ST7: variants seen among roughly 807,000 people sequenced by gnomAD.
The protein encoded by ST7 is suppression of tumorigenicity 7, also known as suppressor of tumorigenicity 7 protein.
In ST7, 28 loss-of-function variants were observed where a neutral mutation model predicts 78.7. The ratio of observed to expected loss-of-function variants is 0.36; its 90% CI spans 0.26 to 0.49. The LOEUF is 0.49. Among genes scored for constraint, ST7 ranks in the 20% least tolerant of loss-of-function variants. The pLI is 0.99. For synonymous variants in ST7, 247 were observed against 249.6 expected (o/e 0.99, Z 0.10); for missense variants, 418 against 696.0 (o/e 0.60, Z 4.49).
intron 1 of ST7, chr7:116,967,290 C>G (rs1408237593): frequency 2.1e-6 from 1 of 470,996 alleles, no homozygotes; most frequent in Non-Finnish European, 4.4e-6. Context: ...GGCTCACATA[C>G]CCGCAGTGGT....
chr7:117,214,608 A>G (rs1325820611), intron 13 of ST7, among the ~76,000 whole-genome samples: 1 of 152,134 alleles, frequency 6.6e-6, no homozygotes, highest in Non-Finnish European at 1.5e-5. Context: ...AAGCAATGAT[A>G]GGCTAAAGTC....
intron 1 of ST7, among the ~76,000 whole-genome samples, chr7:116,958,162 ATTTTTTT>A (rs34132237): frequency 7.3e-4 from 70 of 95,632 alleles, no homozygotes; most frequent in Non-Finnish European, 9.5e-4. Context: ...TGCGTGGCTA[ATTTTTTT>A]TTTTTTTTTT....
intron 10 of ST7, among the ~76,000 whole-genome samples, chr7:117,186,779 G>T (rs1809299280): frequency 6.6e-6 from 1 of 152,098 alleles, no homozygotes; most frequent in Non-Finnish European, 1.5e-5. Context: ...TTTAATGACT[G>T]CATGGAATTG....
At chr7:116,988,616 G>A (rs865811206) in intron 1 of ST7, among the ~76,000 whole-genome samples, 2 of 152,094 alleles carry the variant, frequency 1.3e-5, no homozygotes, top group Middle Eastern at 3.4e-3. Flanking sequence ...TTCATTTCTC[G>A]ATTTTTGAAA....
intron 1 of ST7, among the ~76,000 whole-genome samples, chr7:117,047,348 G>A (rs1444851881): frequency 2.6e-5 from 4 of 152,172 alleles, no homozygotes; most frequent in Non-Finnish European, 5.9e-5. Flanking sequence ...TCTTCAGAAC[G>A]ACTTAATTAC....
Position 117,223,173 on chromosome 7 carries a change from T to G in ST7, c.1638+1111T>G. The G allele has an allele frequency of 5.1e-6, 3 of 589,632 alleles. No individual in the cohort carries two copies. The South Asian group carries it at 6.0e-5, about 12-fold the overall frequency. 36.5% of individuals were successfully genotyped at this position (589,632 alleles called of 1,614,324 possible). A position where few individuals can be genotyped will look rare whatever the true frequency, so the allele number is the denominator to read the frequency against. ...ACCTCCTAAGCAACTAGGCCTTCAG[T>G]AAATGTGATTCACCTCTTCTTTCCC... On this transcript the variant is annotated intron_variant, in intron 15 of 15. Coordinates refer to ENST00000323984, the MANE Select transcript of ST7 (RefSeq NM_001369598.1).
intron 1 of ST7, among the ~76,000 whole-genome samples, chr7:117,027,200 T>A (rs1427167891): frequency 1.3e-5 from 2 of 152,204 alleles, no homozygotes; most frequent in Non-Finnish European, 2.9e-5. Flanking sequence ...TCCCAGCACT[T>A]TGGGAGGCCA....
intron 1 of ST7, among the ~76,000 whole-genome samples, chr7:117,039,155 G>A (rs1035675775): frequency 2.6e-5 from 4 of 151,886 alleles, no homozygotes; most frequent in African/African-American, 2.4e-5. Context: ...ATCTTTGCAC[G>A]TAACCATGCT....
chr7:117,054,321 T>C (rs1797949440), intron 1 of ST7, among the ~76,000 whole-genome samples: 1 of 152,178 alleles, frequency 6.6e-6, no homozygotes, highest in African/African-American at 2.4e-5. Context: ...GTCTCTCTAC[T>C]GGCCTCCATT....
At chr7:117,103,852 A>G (rs1801751483) in intron 2 of ST7, among the ~76,000 whole-genome samples, 1 of 152,204 alleles carries the variant, frequency 6.6e-6, no homozygotes, top group Non-Finnish European at 1.5e-5. Flanking sequence ...CATCTAAGAG[A>G]TTAATAACCA....
intron 15 of ST7, among the ~76,000 whole-genome samples, chr7:117,227,903 G>A (rs1793548708): frequency 6.6e-6 from 1 of 152,172 alleles, no homozygotes; most frequent in Admixed American, 6.5e-5. Flanking sequence ...TCTCCTCTTT[G>A]CTCAAGCACT....
chr7:117,214,209 T>G (rs960901235), intron 13 of ST7, among the ~76,000 whole-genome samples: 1 of 152,204 alleles, frequency 6.6e-6, no homozygotes, highest in South Asian at 2.1e-4. Flanking sequence ...TAGTCTGCCA[T>G]GGGGTAAATC....
chr7:116,998,237 T>G (rs902814682), intron 1 of ST7, among the ~76,000 whole-genome samples: 5 of 152,194 alleles, frequency 3.3e-5, no homozygotes, highest in Non-Finnish European at 7.3e-5. Context: ...GCTGCTGGCC[T>G]GGGTGCTAAG....
intron 1 of ST7, among the ~76,000 whole-genome samples, chr7:117,002,277 A>G (rs1378309185): frequency 6.6e-6 from 1 of 152,078 alleles, no homozygotes. Flanking sequence ...TATATTTTTT[A>G]GAGACAGGTC....
chr7:117,038,953 T>C (rs1283054939), intron 1 of ST7, among the ~76,000 whole-genome samples: 1 of 152,220 alleles, frequency 6.6e-6, no homozygotes, highest in Non-Finnish European at 1.5e-5. Flanking sequence ...ATATATTACT[T>C]ACAATCTGCC....
At chr7:117,100,824 G>A (rs1801515056) in intron 2 of ST7, among the ~76,000 whole-genome samples, 1 of 152,116 alleles carries the variant, frequency 6.6e-6, no homozygotes, top group Admixed American at 6.5e-5. Context: ...AGAATTAAAT[G>A]ACCTTTAAGG....
In ST7 at chr7:117,036,042, A is replaced by G. The variant is rs79027553; in HGVS notation, c.152-63720A>G. 3.9e-3 allele frequency among the ~76,000 whole-genome samples: 588 copies of G among 152,300 alleles called. 5 individuals carry two copies. The highest frequency in any genetic ancestry group is 0.014 in the African/African-American group (569 of 41,560). On this transcript the variant is annotated intron_variant, in intron 1 of 15. Coordinates refer to ENST00000323984, the MANE Select transcript of ST7 (RefSeq NM_001369598.1). ...ATATTAGCGTTATAAGCCTGAGGTAACTGGTTTTTCTTTTTCTGACCTGGG... is the reference window on the plus strand; with the variant it reads ...ATATTAGCGTTATAAGCCTGAGGTAGCTGGTTTTTCTTTTTCTGACCTGGG...
rs369125825 is a variant in ST7 at position 117,031,376 on chromosome 7, G to GTGTGTATATATATA, written c.152-68383_152-68382insGTATATATATATGT. Among the ~76,000 whole-genome samples the GTGTGTATATATATA allele has an allele frequency of 5.1e-5, 5 of 98,840 alleles. 2 individuals are homozygous for GTGTGTATATATATA. Among genetic ancestry groups the GTGTGTATATATATA allele is most frequent in the Non-Finnish European group, 5.1e-5 (2 of 39,204 alleles). The allele number at this position is 98,840 out of a possible 152,430, so 64.8% of individuals were successfully genotyped here. On this transcript the variant is annotated intron_variant, in intron 1 of 15. Transcript: ENST00000323984. ...TAAATGTGTGTGTGTGTGTATATGT[G>GTGTGTATATATATA]TGTATATATGTGTATATATGTGCAT...
chr7:117,002,996 G>A (rs1795008440), intron 1 of ST7, among the ~76,000 whole-genome samples: 1 of 150,870 alleles, frequency 6.6e-6, no homozygotes. Context: ...CTAATTTTTT[G>A]TATTTTTAGT....
Sources: allele counts gnomAD v4.1 joint callset (sites outside exome capture counted in the v4.1 genomes callset), GRCh38; gene constraint gnomAD v4.1.1; transcripts MANE v1.5; gene names NCBI Gene and HGNC (gene_info 2026-07-23, HGNC 2026-07-21).